Variants in DPF3 observed in about 807,000 individuals in gnomAD.
DPF3 encodes the protein zinc finger protein DPF3.
DPF3 carries 18 observed loss-of-function variants against 56.8 expected under a neutral mutation model. The ratio of observed to expected loss-of-function variants is 0.32; its 90% confidence interval spans 0.22 to 0.47. The LOEUF (loss-of-function observed/expected upper bound fraction) is 0.47, where lower values mean the gene tolerates loss of function less well. Among genes scored for constraint, DPF3 ranks in the 20% least tolerant of loss-of-function variants. The pLI is 1.00. For missense variants in DPF3, 403 were observed against 488.8 expected (o/e 0.82, Z 1.65); for synonymous variants, 188 against 180.2 (o/e 1.04, Z -0.35).
chr14:72,788,912 A>G (rs740979), intron 1 of DPF3, among the ~76,000 whole-genome samples: 2 of 152,098 alleles, frequency 1.3e-5, no homozygotes, highest in African/African-American at 4.8e-5. Flanking sequence ...GCAGACTGAC[A>G]TGATTATTTT....
chr14:72,851,409 T>C (rs1465682504), intron 1 of DPF3, among the ~76,000 whole-genome samples: 3 of 152,250 alleles, frequency 2.0e-5, no homozygotes, highest in Non-Finnish European at 4.4e-5. Flanking sequence ...CACACGGCAC[T>C]ATCTGGATCT....
At chr14:72,624,048 T>C (rs1599310303) in intron 9 of DPF3, among the ~76,000 whole-genome samples, 1 of 152,192 alleles carries the variant, frequency 6.6e-6, no homozygotes, top group Non-Finnish European at 1.5e-5. Flanking sequence ...ACAAATAAAA[T>C]ATGTTTAAAA....
intron 2 of DPF3, among the ~76,000 whole-genome samples, chr14:72,768,277 T>C: frequency 6.6e-6 from 1 of 152,226 alleles, no homozygotes; most frequent in Non-Finnish European, 1.5e-5. Flanking sequence ...TTCTAAATTA[T>C]GTTTGATGGT....
chr14:72,675,868 A>C (rs1398938565), intron 7 of DPF3: 1 of 152,216 alleles, frequency 6.6e-6, no homozygotes, highest in Non-Finnish European at 1.5e-5. Context: ...GCTTGTCTTC[A>C]TCAGTCCCTG....
chr14:72,660,973 C>T (rs1016110962), intron 8 of DPF3: 13 of 778,020 alleles, frequency 1.7e-5, no homozygotes, highest in East Asian at 1.3e-4. Flanking sequence ...GAGTCCCTGC[C>T]GCATGACGGC....
At chr14:72,772,235 T>C (rs1241486089) in intron 1 of DPF3, among the ~76,000 whole-genome samples, 2 of 152,206 alleles carry the variant, frequency 1.3e-5, no homozygotes, top group Non-Finnish European at 2.9e-5. Context: ...TGGAACAACC[T>C]TCTGCATGGA....
At position 72,610,869 on chromosome 14, in the gene DPF3, C is replaced by T. The variant is rs1437151947; in HGVS notation, c.*8428G>A. Among the ~76,000 whole-genome samples, 1 of 152,204 alleles carries T rather than the reference C, an allele frequency of 6.6e-6. No homozygotes were observed. Among genetic ancestry groups the T allele is most frequent in the African/African-American group, 2.4e-5 (1 of 41,448 alleles). ...GTGTGGAAAGGGTCCAAGTCAGAGG[C>T]CTTTGCCTCACCCCTTCCACCAGCA... On this transcript the variant is annotated 3_prime_UTR_variant, in exon 11 of 11. Transcript: ENST00000556509.
intron 2 of DPF3, among the ~76,000 whole-genome samples, chr14:72,760,078 G>A (rs1358351188): frequency 6.6e-6 from 1 of 152,150 alleles, no homozygotes; most frequent in Admixed American, 6.5e-5. Flanking sequence ...TCTACACAAA[G>A]GAATGAACAG....
At chr14:72,748,364 C>A (rs1251591914) in intron 3 of DPF3, among the ~76,000 whole-genome samples, 1 of 152,150 alleles carries the variant, frequency 6.6e-6, no homozygotes, top group Non-Finnish European at 1.5e-5. Context: ...GAAAAAATTT[C>A]TAAGCAGCAA....
rs149568258 is a variant in DPF3, at chr14:72,630,021, G to C, written c.872-285C>G. On this transcript the variant is annotated intron_variant, in intron 8 of 10. Coordinates refer to ENST00000556509, the MANE Select transcript of DPF3 (RefSeq NM_001280542.3). ...ATGAAGATGGAAAACAATGATCAGA[G>C]AGAACGAGAGAGGAAACTGCAGAGT... Among the ~76,000 whole-genome samples, 8 of 152,268 alleles carry C rather than the reference G, an allele frequency of 5.3e-5. No homozygotes were observed. The East Asian group carries it at 1.5e-3, about 29-fold the overall frequency.
chr14:72,619,821 C>T (rs565908073), intron 10 of DPF3, 82 bp downstream of exon 10: 1 of 1,297,750 alleles, frequency 7.7e-7, no homozygotes, highest in East Asian at 2.6e-5. Flanking sequence ...TAGCATAAGG[C>T]CTGTACCATA....
chr14:72,862,317 C>T (rs1337612527), intron 1 of DPF3, among the ~76,000 whole-genome samples: 2 of 152,304 alleles, frequency 1.3e-5, no homozygotes, highest in Non-Finnish European at 2.9e-5. Context: ...ACCTGCTGCC[C>T]TCACAGTCCT....
At chr14:72,639,625 C>A (rs904002552) in intron 8 of DPF3, among the ~76,000 whole-genome samples, 2 of 152,154 alleles carry the variant, frequency 1.3e-5, no homozygotes, top group African/African-American at 4.8e-5. Context: ...CCAAGGGGAA[C>A]TGAATCCTGC....
intron 5 of DPF3, among the ~76,000 whole-genome samples, chr14:72,717,968 G>A (rs965747365): frequency 6.6e-6 from 1 of 152,204 alleles, no homozygotes; most frequent in African/African-American, 2.4e-5. Context: ...GGCTGGCTCG[G>A]GAGTAGTCAC....
At chr14:72,622,623 A>C (rs1192792728) in intron 9 of DPF3, among the ~76,000 whole-genome samples, 2 of 152,110 alleles carry the variant, frequency 1.3e-5, no homozygotes, top group African/African-American at 2.4e-5. Context: ...TGCATTTTGC[A>C]TGGGTTGACC....
chr14:72,860,251 T>C (rs1422628081), intron 1 of DPF3, among the ~76,000 whole-genome samples: 1 of 152,186 alleles, frequency 6.6e-6, no homozygotes, highest in Non-Finnish European at 1.5e-5. Flanking sequence ...GGCACAATCA[T>C]AGCTCACTAC....
At chr14:72,800,540 GCA>G (rs1892839611) in intron 1 of DPF3, among the ~76,000 whole-genome samples, 1 of 151,612 alleles carries the variant, frequency 6.6e-6, no homozygotes, top group South Asian at 2.1e-4. Flanking sequence ...ATGGATGGAT[GCA>G]CAGATGGATG....
chr14:72,766,439 A>G (rs534973766), intron 2 of DPF3, among the ~76,000 whole-genome samples: 2 of 152,292 alleles, frequency 1.3e-5, no homozygotes, highest in South Asian at 4.2e-4. Context: ...CTATCTAGCT[A>G]TCTAACTATC....
intron 4 of DPF3, chr14:72,731,581 C>G (rs1889647373): frequency 1.8e-6 from 1 of 550,518 alleles, no homozygotes; most frequent in Non-Finnish European, 3.2e-6. Flanking sequence ...CATAGACAGA[C>G]AGAAGAGAGG....
Sources: gnomAD v4.1 joint callset for allele counts (sites outside exome capture counted in the v4.1 genomes callset) on GRCh38, gnomAD v4.1.1 for gene constraint, MANE v1.5 for transcripts, NCBI Gene and HGNC (gene_info 2026-07-23, HGNC 2026-07-21) for gene names.